The following DDX10 variants were observed in gnomAD, a reference collection of about 807,000 sequenced individuals.
DDX10 encodes the protein probable ATP-dependent RNA helicase DDX10.
In DDX10, 74 loss-of-function variants were observed where a neutral mutation model predicts 104.3. That is an observed-to-expected ratio of 0.71 (90% CI 0.59 to 0.86). The LOEUF (loss-of-function observed/expected upper bound fraction) is 0.86. Ranked by LOEUF, DDX10 falls within the 40% of genes least tolerant of loss-of-function variation. The pLI is 0.00. For synonymous variants in DDX10, 351 were observed against 353.4 expected (o/e 0.99, Z 0.08); for missense variants, 952 against 1,040.0 (o/e 0.92, Z 1.16).
intron 17 of DDX10, among the ~76,000 whole-genome samples, chr11:108,938,633 T>G (rs1864065601): frequency 6.6e-6 from 1 of 152,220 alleles, no homozygotes; most frequent in South Asian, 2.1e-4. Flanking sequence ...TGACTGAATT[T>G]GTATCACAGG....
intron 1 of DDX10, among the ~76,000 whole-genome samples, chr11:108,665,619 G>C (rs1377752506): frequency 6.6e-6 from 1 of 152,094 alleles, no homozygotes; most frequent in Non-Finnish European, 1.5e-5. Context: ...TAATACTGAT[G>C]ACAATAGTGG....
chr11:108,788,361 A>AT lies in DDX10; in HGVS notation c.1966-50074dup, dbSNP rs889662954. On this transcript the variant is annotated intron_variant, in intron 13 of 17. Coordinates refer to ENST00000322536, the MANE Select transcript of DDX10 (RefSeq NM_004398.4). Reference sequence around the variant, plus strand: ...ATACAGAATCTTTATTTGTAGCTAGATTTTTTTTTTTCTTTTTTGAGCTGG... The same window carrying AT: ...ATACAGAATCTTTATTTGTAGCTAGATTTTTTTTTTTTCTTTTTTGAGCTGG... Among the ~76,000 whole-genome samples, 300 of 146,960 alleles carry AT rather than the reference A, an allele frequency of 2.0e-3. 2 individuals are homozygous for AT. The highest frequency in any genetic ancestry group is 5.1e-3 in the African/African-American group (203 of 40,100).
chr11:108,759,125 G>A (rs1414248133), intron 13 of DDX10, among the ~76,000 whole-genome samples: 1 of 151,946 alleles, frequency 6.6e-6, no homozygotes, highest in Non-Finnish European at 1.5e-5. Context: ...GTAGAGGTTG[G>A]CACTAGTATG....
chr11:108,931,183 T>A (rs567058038), intron 17 of DDX10, among the ~76,000 whole-genome samples: 1 of 152,298 alleles, frequency 6.6e-6, no homozygotes, highest in South Asian at 2.1e-4. Context: ...GACTTTCACC[T>A]TACATGGTAA....
At chr11:108,840,238 G>A (rs1862618458) in intron 14 of DDX10, among the ~76,000 whole-genome samples, 1 of 152,192 alleles carries the variant, frequency 6.6e-6, no homozygotes, top group Non-Finnish European at 1.5e-5. Context: ...GTTGCTAAAA[G>A]TTGAGGCTCC....
At chr11:108,668,179 TA>T (rs945323167) in intron 1 of DDX10, among the ~76,000 whole-genome samples, 5 of 152,216 alleles carry the variant, frequency 3.3e-5, no homozygotes, top group African/African-American at 9.6e-5. Context: ...TCACCACAAA[TA>T]ACCCTGTGAA....
intron 17 of DDX10, among the ~76,000 whole-genome samples, chr11:108,935,199 A>G (rs1864021628): frequency 6.6e-6 from 1 of 152,192 alleles, no homozygotes; most frequent in South Asian, 2.1e-4. Flanking sequence ...GTATCATTTG[A>G]ACTGGCTTTT....
intron 13 of DDX10, among the ~76,000 whole-genome samples, chr11:108,781,852 T>C (rs1427708317): frequency 6.6e-6 from 1 of 152,206 alleles, no homozygotes; most frequent in East Asian, 1.9e-4. Context: ...AATTGCTCTA[T>C]TTTTAATTTC....
intron 6 of DDX10, among the ~76,000 whole-genome samples, chr11:108,685,921 G>T (rs980030554): frequency 6.6e-6 from 1 of 152,092 alleles, no homozygotes; most frequent in Admixed American, 6.5e-5. Flanking sequence ...TCCCAGTAAA[G>T]ATGTAGGAAT....
At position 108,929,814 on chromosome 11, in the gene DDX10, G is replaced by A. The variant is rs1480600358; in HGVS notation, c.2451-10432G>A. 2.0e-5 allele frequency: 3 copies of A among 152,066 alleles called. No homozygotes were observed. The South Asian group carries it at 6.2e-4, about 32-fold the overall frequency. The allele number at this position is 152,066 out of a possible 1,614,324, so 9.4% of individuals were successfully genotyped here. On this transcript the variant is annotated intron_variant, in intron 17 of 17. Transcript: ENST00000322536. ...TTAATTAAGTTATAATGTATTGGGG[G>A]TATACTAACTCTTTTAAACTATACA... is the stretch of plus-strand genomic sequence containing the variant.
At chr11:108,838,742 C>G (rs926203090) in intron 14 of DDX10, among the ~76,000 whole-genome samples, 177 bp downstream of exon 14, 11 of 152,170 alleles carry the variant, frequency 7.2e-5, no homozygotes, top group Non-Finnish European at 4.4e-5. Context: ...AACAAGGATG[C>G]CTTACTGCCA....
intron 9 of DDX10, among the ~76,000 whole-genome samples, chr11:108,705,336 G>C (rs77054085): frequency 0.02 from 2,977 of 152,236 alleles, 106 homozygotes; most frequent in African/African-American, 0.068. Context: ...ATACTGCCTA[G>C]GGGGACAGCT....
Position 108,838,472 on chromosome 11 carries a change from C to A in DDX10, c.1992C>A (p.Ile664=). 6.2e-7 allele frequency: 1 copy of A among 1,610,942 alleles called. No homozygotes were observed. The highest frequency in any genetic ancestry group is 8.5e-7 in the Non-Finnish European group (1 of 1,178,740). The change falls in exon 14 of 18, where the codon ATC becomes ATA. Residue 664 remains isoleucine (I), a synonymous_variant. Transcript: ENST00000322536. ...AGAAAGAACCTTCTAAATCCAGCAT[C>A]AAGAAAAAAATGACCAAAGTTGCAG... The part of the protein sequence containing the change: ...LQKKEPSKSS[I]KKKMTKVAEA...
intron 13 of DDX10, among the ~76,000 whole-genome samples, chr11:108,794,748 T>C (rs2134551187): frequency 6.6e-6 from 1 of 152,260 alleles, no homozygotes; most frequent in Non-Finnish European, 1.5e-5. Flanking sequence ...TATATGTAGC[T>C]TGGTTCACTT....
At chr11:108,898,103 T>G (rs2553769) in intron 16 of DDX10, among the ~76,000 whole-genome samples, 1 of 152,086 alleles carries the variant, frequency 6.6e-6, no homozygotes, top group African/African-American at 2.4e-5. Context: ...AACATTTGTA[T>G]ATACAGTGCC....
At chr11:108,891,460 T>G (rs1206291024) in intron 16 of DDX10, among the ~76,000 whole-genome samples, 1 of 152,184 alleles carries the variant, frequency 6.6e-6, no homozygotes, top group African/African-American at 2.4e-5. Flanking sequence ...AAAGCATTTA[T>G]GAATGAACAA....
chr11:108,932,355 A>G (rs1475991654), intron 17 of DDX10, among the ~76,000 whole-genome samples: 1 of 151,994 alleles, frequency 6.6e-6, no homozygotes, highest in Non-Finnish European at 1.5e-5. Context: ...CAGGCCGAAC[A>G]TGGTGGTGTG....
chr11:108,765,368 A>C (rs2134520257), intron 13 of DDX10, among the ~76,000 whole-genome samples: 1 of 152,344 alleles, frequency 6.6e-6, no homozygotes, highest in Admixed American at 6.5e-5. Context: ...AAAAAGCATT[A>C]AACTTAAAGT....
chr11:108,779,615 A>C (rs1207766230), intron 13 of DDX10, among the ~76,000 whole-genome samples: 8 of 152,210 alleles, frequency 5.3e-5, no homozygotes, highest in African/African-American at 1.7e-4. Flanking sequence ...ACATGTATAC[A>C]TATGTAACAA....
Sources: gnomAD v4.1 joint callset for allele counts (sites outside exome capture counted in the v4.1 genomes callset) on GRCh38, gnomAD v4.1.1 for gene constraint, MANE v1.5 for transcripts, NCBI Gene and HGNC (gene_info 2026-07-23, HGNC 2026-07-21) for gene names.